PIK3C2G: variants seen among roughly 807,000 people sequenced by gnomAD.
PIK3C2G encodes phosphatidylinositol 3-kinase C2 domain-containing subunit gamma.
A neutral mutation model predicts 181.1 loss-of-function variants in PIK3C2G; 168 were observed. The observed-to-expected ratio is 0.93, with a 90% confidence interval of 0.82 to 1.05. The LOEUF is 1.05. PIK3C2G is among the 50% of genes least tolerant of loss of function. The pLI is 0.00. For synonymous variants in PIK3C2G, 573 were observed against 592.2 expected (o/e 0.97, Z 0.47); for missense variants, 1,869 against 1,732.8 (o/e 1.08, Z -1.40).
chr12:18,540,901 T>C (rs2136249128), intron 25 of PIK3C2G, among the ~76,000 whole-genome samples: 1 of 151,992 alleles, frequency 6.6e-6, no homozygotes, highest in East Asian at 1.9e-4. Flanking sequence ...ACCTCTCAAC[T>C]CTCTTCTTCT....
chr12:18,664,661 A>G, the PIK3C2G span, among the ~76,000 whole-genome samples: 4 of 152,026 alleles, frequency 2.6e-5, no homozygotes, highest in African/African-American at 4.8e-5. Flanking sequence ...TATTGGGTAT[A>G]TACCCAAAGG....
intron 29 of PIK3C2G, among the ~76,000 whole-genome samples, chr12:18,589,987 G>A (rs1010437014): frequency 2.0e-5 from 3 of 151,838 alleles, no homozygotes; most frequent in African/African-American, 7.3e-5. Context: ...TCCATTTTCA[G>A]TGGTTACATA....
the PIK3C2G span, among the ~76,000 whole-genome samples, chr12:18,689,770 T>C: frequency 2.0e-5 from 3 of 152,168 alleles, no homozygotes; most frequent in African/African-American, 7.2e-5. Flanking sequence ...ACTCTCAGAT[T>C]GCAGGTGACG....
At chr12:18,358,964 C>CTGGTG (rs1413604963) in intron 11 of PIK3C2G, 2 of 159,574 alleles carry the variant, frequency 1.3e-5, no homozygotes, top group Non-Finnish European at 2.7e-5. Context: ...AATGCCAACT[C>CTGGTG]CATGGTGCAG....
At chr12:18,578,198 A>G (rs1384898795) in intron 29 of PIK3C2G, among the ~76,000 whole-genome samples, 1 of 152,186 alleles carries the variant, frequency 6.6e-6, no homozygotes, top group Non-Finnish European at 1.5e-5. Context: ...AGGAAGCTGA[A>G]TCAGACACAA....
At chr12:18,522,452 C>T (rs1304283161) in intron 24 of PIK3C2G, among the ~76,000 whole-genome samples, 4 of 151,760 alleles carry the variant, frequency 2.6e-5, no homozygotes, top group South Asian at 4.2e-4. Context: ...GTGATGAACT[C>T]CATTAGCTTT....
intron 15 of PIK3C2G, among the ~76,000 whole-genome samples, chr12:18,397,044 TA>T (rs1260535259): frequency 5.9e-5 from 9 of 151,886 alleles, no homozygotes; most frequent in African/African-American, 2.2e-4. Context: ...GCAATTAAGA[TA>T]ATGTGATATT....
chr12:18,614,985 A>G (rs1948526734), intron 31 of PIK3C2G, among the ~76,000 whole-genome samples: 1 of 151,856 alleles, frequency 6.6e-6, no homozygotes, highest in Admixed American at 6.6e-5. Flanking sequence ...TATTATTTCA[A>G]TGCTTTTTAG....
chr12:18,417,854 C>T (rs1945267847), intron 16 of PIK3C2G, among the ~76,000 whole-genome samples: 1 of 151,858 alleles, frequency 6.6e-6, no homozygotes, highest in South Asian at 2.1e-4. Flanking sequence ...GCCTGTACAT[C>T]CCTCTCTTTC....
At chr12:18,569,223 A>G (rs1592607855) in intron 29 of PIK3C2G, among the ~76,000 whole-genome samples, 1 of 151,956 alleles carries the variant, frequency 6.6e-6, no homozygotes, top group South Asian at 2.1e-4. Flanking sequence ...AAGCTGACCT[A>G]CCCTGAGTCT....
At chr12:18,511,131 C>T (rs1055248071) in intron 24 of PIK3C2G, among the ~76,000 whole-genome samples, 7 of 152,088 alleles carry the variant, frequency 4.6e-5, no homozygotes, top group African/African-American at 1.7e-4. Context: ...TCCCTGGATT[C>T]ATTCATGTTG....
intron 16 of PIK3C2G, among the ~76,000 whole-genome samples, chr12:18,409,575 C>T (rs186415995): frequency 6.6e-6 from 1 of 152,028 alleles, no homozygotes; most frequent in African/African-American, 2.4e-5. Flanking sequence ...AAATAAGCTT[C>T]CTGTTAGGAA....
intron 1 of PIK3C2G, among the ~76,000 whole-genome samples, chr12:18,279,031 G>T (rs1377179387): frequency 1.3e-5 from 2 of 151,828 alleles, no homozygotes; most frequent in Non-Finnish European, 2.9e-5. Context: ...AAAAAATATT[G>T]TTATTAATAA....
At chr12:18,416,759 T>C (rs1455907046) in intron 16 of PIK3C2G, among the ~76,000 whole-genome samples, 2 of 152,194 alleles carry the variant, frequency 1.3e-5, no homozygotes, top group Non-Finnish European at 1.5e-5. Context: ...TTACTACTCA[T>C]TGACAATGCA....
chr12:18,275,090 G>A (rs1948926287), intron 1 of PIK3C2G, among the ~76,000 whole-genome samples: 1 of 152,150 alleles, frequency 6.6e-6, no homozygotes, highest in Non-Finnish European at 1.5e-5. Context: ...GAGTTCCGGG[G>A]TCATGACAGT....
chr12:18,446,644 A>G (rs1947046923), intron 18 of PIK3C2G, among the ~76,000 whole-genome samples: 1 of 152,262 alleles, frequency 6.6e-6, no homozygotes, highest in Admixed American at 6.5e-5. Flanking sequence ...ACAGTGGAGG[A>G]AGCAGCTATT....
intron 1 of PIK3C2G, among the ~76,000 whole-genome samples, chr12:18,273,457 C>T (rs558199400): frequency 1.2e-3 from 185 of 152,190 alleles, no homozygotes; most frequent in African/African-American, 4.3e-3. Context: ...GCAATGCGGG[C>T]TCTTTTTTGG....
intron 30 of PIK3C2G, among the ~76,000 whole-genome samples, chr12:18,596,360 A>G (rs1292170187): frequency 6.6e-6 from 1 of 152,134 alleles, no homozygotes; most frequent in Non-Finnish European, 1.5e-5. Context: ...ACCAGACTCA[A>G]CAAAGCAGTA....
At chr12:18,681,445 A>G in the PIK3C2G span, among the ~76,000 whole-genome samples, 1 of 152,158 alleles carries the variant, frequency 6.6e-6, no homozygotes, top group East Asian at 1.9e-4. Flanking sequence ...AGCATTAATC[A>G]AATCTATCTT....
Sources: allele counts gnomAD v4.1 joint callset (sites outside exome capture counted in the v4.1 genomes callset), GRCh38; gene constraint gnomAD v4.1.1; transcripts MANE v1.5; gene names NCBI Gene and HGNC (gene_info 2026-07-23, HGNC 2026-07-21).